Variants in ZNF331 observed in about 807,000 individuals in gnomAD.
The protein encoded by ZNF331 is C2H2-like zinc finger protein rearranged in thyroid adenomas.
ZNF331 carries 2 observed loss-of-function variants against 7.0 expected under a neutral mutation model. The observed-to-expected ratio is 0.29, with a 90% CI of 0.12 to 0.90. The LOEUF is 0.90. Among genes scored for constraint, ZNF331 ranks in the 40% least tolerant of loss-of-function variants. The pLI, the probability that ZNF331 is intolerant of heterozygous loss-of-function variation, is 0.58. For synonymous variants in ZNF331, 196 were observed against 205.4 expected, an observed-to-expected ratio of 0.95 and a Z score of 0.39; for missense variants, 432 against 587.7, an observed-to-expected ratio of 0.74 and a Z score of 2.74.
chr19:53,559,115 CCATA>C lies in ZNF331; in HGVS notation c.-74+3214_-74+3217del, dbSNP rs529824020. 1.1e-3 allele frequency among the ~76,000 whole-genome samples: 139 copies of C among 130,692 alleles called. 1 individual carries two copies. In the Middle Eastern group the frequency reaches 0.012, roughly 11 times the overall value. 85.7% of individuals were successfully genotyped at this position (130,692 alleles called of 152,430 possible). A position where few individuals can be genotyped will look rare whatever the true frequency, so the allele number is the denominator to read the frequency against. ...ACATATAGAGACACATATATACACA[CCATA>C]CATACACACACACCCCATGTACACA... On this transcript the variant is annotated intron_variant, in intron 3 of 5. Coordinates refer to ENST00000449416, the MANE Select transcript of ZNF331 (RefSeq NM_001079906.2).
the ZNF331 span, among the ~76,000 whole-genome samples, chr19:53,511,616 G>A: frequency 1.8e-4 from 28 of 152,238 alleles, no homozygotes; most frequent in Admixed American, 1.1e-3. Context: ...GTCATCAAGC[G>A]TAAAAAGATA....
Position 53,578,102 on chromosome 19 carries a change from C to A in ZNF331, c.*150C>A. On this transcript the variant is annotated 3_prime_UTR_variant, in exon 6 of 6. Coordinates refer to ENST00000449416, the MANE Select transcript of ZNF331 (RefSeq NM_001079906.2). ...TCAAATGGTGTGCCCTTCTGAGTAG[C>A]GTGATGAAATCTCTCGCTGTCCGGC... The A allele has an allele frequency of 9.5e-7, 1 of 1,049,702 alleles. No individual in the cohort carries two copies. The highest frequency in any genetic ancestry group is 1.3e-6 in the Non-Finnish European group (1 of 751,618). 65.0% of individuals were successfully genotyped at this position (1,049,702 alleles called of 1,614,324 possible).
chr19:53,506,424 C>CTCTCTCTCTCTCTG, the ZNF331 span, among the ~76,000 whole-genome samples: 1 of 88,646 alleles, frequency 1.1e-5, no homozygotes, highest in African/African-American at 5.1e-5. Flanking sequence ...CTCTCTCTCT[C>CTCTCTCTCTCTCTG]TCTCTCTCTC....
chr19:53,546,283 T>C (rs2088610940), intron 2 of ZNF331, among the ~76,000 whole-genome samples: 1 of 152,202 alleles, frequency 6.6e-6, no homozygotes, highest in Non-Finnish European at 1.5e-5. Flanking sequence ...GTTACCTTTT[T>C]TGTTCATTAA....
chr19:53,513,623 T>C, the ZNF331 span, among the ~76,000 whole-genome samples: 1 of 152,276 alleles, frequency 6.6e-6, no homozygotes, highest in Non-Finnish European at 1.5e-5. Context: ...TCCAGATGAT[T>C]AGTCTATTCA....
At chr19:53,569,102 C>T (rs950833720) in intron 3 of ZNF331, among the ~76,000 whole-genome samples, 9 of 152,170 alleles carry the variant, frequency 5.9e-5, no homozygotes, top group African/African-American at 1.4e-4. Flanking sequence ...GTGATCCACC[C>T]ACCTCGGCCT....
intron 2 of ZNF331, among the ~76,000 whole-genome samples, chr19:53,552,226 T>C (rs2089057734): frequency 6.6e-6 from 1 of 152,176 alleles, no homozygotes; most frequent in Non-Finnish European, 1.5e-5. Context: ...TTGAGCACAA[T>C]TTTTGATGCA....
the ZNF331 span, among the ~76,000 whole-genome samples, chr19:53,506,193 G>C: frequency 6.9e-6 from 1 of 144,844 alleles, no homozygotes; most frequent in East Asian, 2.0e-4. Flanking sequence ...AAATTAGCCG[G>C]GCGTGGTGGC....
intron 2 of ZNF331, among the ~76,000 whole-genome samples, chr19:53,531,389 T>A (rs1019735389): frequency 6.6e-6 from 1 of 152,232 alleles, no homozygotes. Flanking sequence ...GTTATTCATG[T>A]GCCTCTTTGG....
chr19:53,529,082 C>T (rs2087423718), intron 2 of ZNF331, among the ~76,000 whole-genome samples: 1 of 152,138 alleles, frequency 6.6e-6, no homozygotes, highest in South Asian at 2.1e-4. Context: ...CCACCGCACC[C>T]AACCTATTTT....
intron 3 of ZNF331, among the ~76,000 whole-genome samples, chr19:53,561,711 G>T (rs1373139283): frequency 6.6e-6 from 1 of 152,132 alleles, no homozygotes; most frequent in Non-Finnish European, 1.5e-5. Flanking sequence ...AAATTAGCCA[G>T]GCATGGTGGT....
chr19:53,514,389 C>T, the ZNF331 span, among the ~76,000 whole-genome samples: 4 of 151,148 alleles, frequency 2.6e-5, no homozygotes, highest in South Asian at 6.3e-4. Flanking sequence ...TTAGTAGAGA[C>T]GGGGTTTCAC....
At chr19:53,507,007 G>A in the ZNF331 span, among the ~76,000 whole-genome samples, 160 of 152,274 alleles carry the variant, frequency 1.1e-3, 1 homozygote, top group African/African-American at 3.6e-3. Context: ...CTTCCTGTGT[G>A]GGGTGTGATC....
intron 4 of ZNF331, 22 bp downstream of exon 4, chr19:53,569,407 C>T: frequency 6.2e-7 from 1 of 1,613,224 alleles, no homozygotes; most frequent in Non-Finnish European, 8.5e-7. Flanking sequence ...TTTCTCTTTC[C>T]TTCTTGAGCT....
rs1356741708 is a variant in ZNF331, at chr19:53,539,415, G to C, written c.-138+133G>C. ...TTTTGAGCCTTCTGAAGATAGGCTTGTGAGGAGGGTGAAATGCATTAACAC... is the reference window on the plus strand; with the variant it reads ...TTTTGAGCCTTCTGAAGATAGGCTTCTGAGGAGGGTGAAATGCATTAACAC... On this transcript the variant is annotated intron_variant, in intron 2 of 5. Transcript: ENST00000449416. This position sits in a 1 kb window ranked among gnomAD's most constrained non-coding sequence, Gnocchi z 6.1. 1.3e-5 allele frequency: 2 copies of C among 152,190 alleles called. No homozygotes were observed. 9.4% of individuals were successfully genotyped at this position (152,190 alleles called of 1,614,324 possible). A position where few individuals can be genotyped will look rare whatever the true frequency, so the allele number is the denominator to read the frequency against.
chr19:53,532,527 G>T (rs1283739102), intron 2 of ZNF331, among the ~76,000 whole-genome samples: 2 of 152,068 alleles, frequency 1.3e-5, no homozygotes, highest in African/African-American at 2.4e-5. Context: ...TCCCCCTGGG[G>T]TATTGTGAAT....
chr19:53,528,815 C>T (rs973347034), intron 2 of ZNF331, among the ~76,000 whole-genome samples: 18 of 151,754 alleles, frequency 1.2e-4, no homozygotes, highest in Non-Finnish European at 2.1e-4. Flanking sequence ...GACAGAGTCT[C>T]GCTCTGTTGC....
At position 53,571,558 on chromosome 19, in the gene ZNF331, G is replaced by C; in HGVS notation, c.10-46G>C. On this transcript the variant is annotated intron_variant, in intron 4 of 5. Coordinates refer to ENST00000449416, the MANE Select transcript of ZNF331 (RefSeq NM_001079906.2). The surrounding 1 kb of genome is among the most constrained non-coding windows in gnomAD (Gnocchi z 4.7). The stretch of plus-strand genomic sequence containing the variant: ...GGCCTCCTGTCTCCTTCATCTGGAA[G>C]CTGTTTCCTTTCATTTCATCATGCA... The C allele has an allele frequency of 6.2e-7, 1 of 1,604,514 alleles. No homozygotes were observed. Among genetic ancestry groups the C allele is most frequent in the Non-Finnish European group, 8.5e-7 (1 of 1,175,276 alleles).
At chr19:53,529,985 A>G (rs1460752839) in intron 2 of ZNF331, among the ~76,000 whole-genome samples, 1 of 152,174 alleles carries the variant, frequency 6.6e-6, no homozygotes, top group African/African-American at 2.4e-5. Flanking sequence ...TGGGTCATTT[A>G]TAAAGATTAT....
Sources: gnomAD v4.1 joint callset for allele counts (sites outside exome capture counted in the v4.1 genomes callset) on GRCh38, gnomAD v4.1.1 for gene constraint, Gnocchi (gnomAD v3.1) non-coding constraint, MANE v1.5 for transcripts, NCBI Gene and HGNC (gene_info 2026-07-23, HGNC 2026-07-21) for gene names.